The following ATG4C variants were observed in gnomAD, a reference collection of about 807,000 sequenced individuals.
The protein encoded by ATG4C is autophagy related 4C cysteine peptidase, also known as cysteine protease ATG4C.
Under a neutral mutation model 57.6 loss-of-function variants are expected in ATG4C, and 56 were observed. The ratio of observed to expected loss-of-function variants is 0.97; its 90% CI spans 0.78 to 1.21. The LOEUF is 1.21. Ranked by LOEUF, ATG4C falls within the 50% of genes most tolerant of loss-of-function variation. ATG4C has a pLI of 0.00. For synonymous variants in ATG4C, 157 were observed against 174.1 expected, an observed-to-expected ratio of 0.90 and a Z score of 0.78; for missense variants, 595 against 529.8, an observed-to-expected ratio of 1.12 and a Z score of -1.21.
chr1:62,841,632 A>T (rs3737892), intron 10 of ATG4C, 85 bp downstream of exon 10: 102 of 1,131,054 alleles, frequency 9.0e-5, no homozygotes, highest in Non-Finnish European at 1.1e-4. Context: ...TGTAAATTAT[A>T]ATTTTTTATA....
rs1290120469 is a variant in ATG4C at position 62,838,752 on chromosome 1, C to T, written c.1090-2676C>T. ...CAGAGATCGCACCACTGCACTCCAG[C>T]CTGGGCGACAAGAGTGAAACTTCAT... On this transcript the variant is annotated intron_variant, in intron 9 of 10. Transcript: ENST00000317868. Among the ~76,000 whole-genome samples, 25 of 151,548 alleles carry T rather than the reference C, an allele frequency of 1.6e-4. 1 individual carries two copies. Among genetic ancestry groups the T allele is most frequent in the Admixed American group, 1.6e-3 (25 of 15,216 alleles).
At position 62,829,058 on chromosome 1, in the gene ATG4C, T is replaced by C. The variant is rs1572142163; in HGVS notation, c.815T>C (p.Ile272Thr). 2 of 1,610,718 alleles carry C rather than the reference T, an allele frequency of 1.2e-6. No homozygotes were observed. Among genetic ancestry groups the C allele is most frequent in the Non-Finnish European group, 1.7e-6 (2 of 1,178,012 alleles). The change falls in exon 7 of 11, where the codon ATT becomes ACT. Residue 272 changes from isoleucine (I) to threonine (T), a missense_variant. Physicochemically the swap from Ile to Thr is moderately conservative, Grantham distance 89. Transcript: ENST00000317868. Reference protein sequence around the residue: ...QDCTVYNSDVIDKQSASMTSD... With the variant: ...QDCTVYNSDVTDKQSASMTSD... ...TTCTCAGTTTACAATTCTGATGTAA[T>C]TGATAAACAGAGTGCTTCCATGACT...
chr1:62,795,262 G>A (rs1306602760), intron 1 of ATG4C, among the ~76,000 whole-genome samples: 4 of 152,186 alleles, frequency 2.6e-5, no homozygotes, highest in African/African-American at 4.8e-5. Flanking sequence ...ACCTTCACCT[G>A]CCCTTCTTGT....
At chr1:62,801,438 A>G (rs1664658438) in intron 1 of ATG4C, among the ~76,000 whole-genome samples, 1 of 152,242 alleles carries the variant, frequency 6.6e-6, no homozygotes, top group Non-Finnish European at 1.5e-5. Context: ...CTGTACCTGC[A>G]GTGCCTAGAA....
chr1:62,842,434 T>A (rs1666201489), intron 10 of ATG4C, among the ~76,000 whole-genome samples: 1 of 151,892 alleles, frequency 6.6e-6, no homozygotes, highest in African/African-American at 2.4e-5. Context: ...CCTGAGTAGC[T>A]GGGATTACAA....
chr1:62,819,041 C>T lies in ATG4C; in HGVS notation c.431C>T (p.Ser144Leu), dbSNP rs771869494. The T allele has an allele frequency of 2.3e-5, 36 of 1,580,536 alleles. No individual in the cohort carries two copies. Among genetic ancestry groups the T allele is most frequent in the Non-Finnish European group, 3.1e-5 (36 of 1,164,996 alleles). ...TWPDALNIENSDSESWTSHTV... is the reference protein window; with the variant it reads ...TWPDALNIENLDSESWTSHTV... Reference sequence around the variant, plus strand: ...CCTGATGCTTTGAATATTGAAAATTCAGACTCTGAATCATGGACTTCCCAC... The same window carrying T: ...CCTGATGCTTTGAATATTGAAAATTTAGACTCTGAATCATGGACTTCCCAC... Residue 144 changes from serine to leucine, a missense_variant, in exon 5 of 11, where the codon TCA (serine) becomes TTA (leucine). Coordinates refer to ENST00000317868, the MANE Select transcript of ATG4C (RefSeq NM_032852.4).
intron 3 of ATG4C, among the ~76,000 whole-genome samples, chr1:62,811,930 A>G (rs1200934063): frequency 1.3e-5 from 2 of 152,192 alleles, no homozygotes; most frequent in Non-Finnish European, 2.9e-5. Context: ...TTTATTATAC[A>G]TCATTTTGCT....
intron 10 of ATG4C, among the ~76,000 whole-genome samples, chr1:62,860,285 A>G (rs1334497790): frequency 3.9e-5 from 6 of 152,188 alleles, no homozygotes; most frequent in Admixed American, 2.0e-4. Context: ...TCTACAGGTA[A>G]TTTCTTTTTA....
intron 3 of ATG4C, among the ~76,000 whole-genome samples, chr1:62,807,583 A>T (rs1664922823): frequency 6.6e-6 from 1 of 152,160 alleles, no homozygotes; most frequent in South Asian, 2.1e-4. Context: ...GAAATACGGG[A>T]TATGTAGAGC....
intron 10 of ATG4C, among the ~76,000 whole-genome samples, chr1:62,858,432 C>T (rs559154173): frequency 9.2e-4 from 140 of 152,266 alleles, no homozygotes; most frequent in Non-Finnish European, 1.8e-3. Flanking sequence ...TCAGTTCTCC[C>T]ATCTGCAAAA....
chr1:62,804,287 T>TA (rs1178235342), intron 2 of ATG4C, among the ~76,000 whole-genome samples: 2 of 152,038 alleles, frequency 1.3e-5, no homozygotes, highest in Non-Finnish European at 2.9e-5. Flanking sequence ...AGATTGGGTT[T>TA]CACCATGTTG....
At chr1:62,814,633 A>G (rs571176266) in intron 3 of ATG4C, among the ~76,000 whole-genome samples, 3 of 152,320 alleles carry the variant, frequency 2.0e-5, no homozygotes, top group South Asian at 2.1e-4. Flanking sequence ...TCTTTTGCTT[A>G]AAGTTGCATG....
intron 1 of ATG4C, among the ~76,000 whole-genome samples, chr1:62,790,922 T>C (rs971163378): frequency 6.6e-6 from 1 of 152,204 alleles, no homozygotes; most frequent in African/African-American, 2.4e-5. Flanking sequence ...TAGACATAAT[T>C]GTTGGGGGTA....
At chr1:62,789,551 T>C (rs1170378665) in intron 1 of ATG4C, among the ~76,000 whole-genome samples, 1 of 151,664 alleles carries the variant, frequency 6.6e-6, no homozygotes, top group Non-Finnish European at 1.5e-5. Flanking sequence ...TGGTGGCTCA[T>C]GCCTGTAATC....
At chr1:62,804,958 G>GT (rs1664808398) in intron 2 of ATG4C, among the ~76,000 whole-genome samples, 1 of 152,022 alleles carries the variant, frequency 6.6e-6, no homozygotes, top group African/African-American at 2.4e-5. Flanking sequence ...TTTAAAGTGT[G>GT]TTTAAAATTC....
At chr1:62,852,486 T>C (rs1175332940) in intron 10 of ATG4C, among the ~76,000 whole-genome samples, 1 of 151,842 alleles carries the variant, frequency 6.6e-6, no homozygotes, top group Non-Finnish European at 1.5e-5. Context: ...AGACATTCTT[T>C]GTTATTTTTT....
rs1666724211 is a variant in ATG4C, at chr1:62,857,579, C to A, written c.1210-6413C>A. Among the ~76,000 whole-genome samples, 3 of 152,244 alleles carry A rather than the reference C, an allele frequency of 2.0e-5. No individual in the cohort carries two copies. In the South Asian group the frequency reaches 6.2e-4, roughly 32 times the overall value. ...AATCATCCTGAATCCATCCCCACCC[C>A]CCCAGTCCGTGGAGAAATTGTCTTC... On this transcript the variant is annotated intron_variant, in intron 10 of 10. Coordinates refer to ENST00000317868, the MANE Select transcript of ATG4C (RefSeq NM_032852.4).
chr1:62,861,576 AACACACACACACACACACACACACACAC>A (rs57225222), intron 10 of ATG4C, among the ~76,000 whole-genome samples: 1 of 133,468 alleles, frequency 7.5e-6, no homozygotes, highest in African/African-American at 2.9e-5. Flanking sequence ...TGGAAAATAG[AACACACACACACACACACACACACACAC>A]ACACACACAC....
chr1:62,854,972 C>A (rs1246300025), intron 10 of ATG4C, among the ~76,000 whole-genome samples: 1 of 151,576 alleles, frequency 6.6e-6, no homozygotes, highest in African/African-American at 2.4e-5. Context: ...GAAGTCATCA[C>A]TGTGTCTGGT....
Sources: allele counts gnomAD v4.1 joint callset (sites outside exome capture counted in the v4.1 genomes callset), GRCh38; gene constraint gnomAD v4.1.1; transcripts MANE v1.5; gene names NCBI Gene and HGNC (gene_info 2026-07-23, HGNC 2026-07-21).